Variants in MTFR1 observed in about 807,000 individuals in gnomAD.
MTFR1 encodes chondrocyte protein with a poly-proline region.
A neutral mutation model predicts 38.8 loss-of-function variants in MTFR1; 28 were observed. That is an observed-to-expected ratio of 0.72 (90% CI 0.53 to 0.99). The LOEUF (loss-of-function observed/expected upper bound fraction) is 0.99, where lower values mean the gene tolerates loss of function less well. Ranked by LOEUF, MTFR1 falls within the 50% of genes least tolerant of loss-of-function variation. MTFR1 has a pLI of 0.00. For missense variants in MTFR1, 358 were observed against 395.5 expected (o/e 0.91, Z 0.81); for synonymous variants, 145 against 137.0 (o/e 1.06, Z -0.41).
chr8:65,728,647 T>C (rs1806708598), intron 3 of MTFR1: 1 of 120,654 alleles, frequency 8.3e-6, no homozygotes, highest in African/African-American at 2.6e-5. Context: ...ATATAAAGCA[T>C]ACTGCATATA....
At chr8:65,669,834 T>A in intron 1 of MTFR1, 39 bp from the exon 2 acceptor site, 1 of 832,494 alleles carries the variant, frequency 1.2e-6, no homozygotes, top group Non-Finnish European at 2.0e-6. Flanking sequence ...TTCTAAATAA[T>A]AATGATTTCA....
At chr8:65,730,171 C>CTTCTTT (rs1295965698) in intron 3 of MTFR1, among the ~76,000 whole-genome samples, 25,955 of 86,214 alleles carry the variant, frequency 0.3, 7,712 homozygotes, top group Non-Finnish European at 0.42. Flanking sequence ...TTGCGCACTT[C>CTTCTTT]TTTTTTTTTT....
chr8:65,667,078 A>AACCAG (rs1238189602), intron 1 of MTFR1, among the ~76,000 whole-genome samples: 1 of 152,096 alleles, frequency 6.6e-6, no homozygotes, highest in Non-Finnish European at 1.5e-5. Context: ...AGGAGATTAA[A>AACCAG]ACCAGCCTGA....
At chr8:65,758,809 T>A (rs1808355134) in intron 3 of MTFR1, among the ~76,000 whole-genome samples, 1 of 152,186 alleles carries the variant, frequency 6.6e-6, no homozygotes. Context: ...ATTTGCATCT[T>A]CCACAAGTAA....
At position 65,709,496 on chromosome 8, in the gene MTFR1, C is replaced by CATTT. The variant is rs371814432; in HGVS notation, c.*454_*457dup. 3.2e-5 allele frequency: 5 copies of CATTT among 155,210 alleles called. No homozygotes were observed. The highest frequency in any genetic ancestry group is 1.2e-4 in the African/African-American group (5 of 41,606). The allele number at this position is 155,210 out of a possible 1,614,324, so 9.6% of individuals were successfully genotyped here. On this transcript the variant is annotated 3_prime_UTR_variant, in exon 8 of 8. Coordinates refer to ENST00000262146, the MANE Select transcript of MTFR1 (RefSeq NM_014637.4). ...GTTATCTTCGTTTGTTTTCAATGAT[C>CATTT]ATTTAGCATTCAATGATGGAACAGC...
At chr8:65,700,554 C>A (rs1805586961) in intron 4 of MTFR1, among the ~76,000 whole-genome samples, 1 of 152,002 alleles carries the variant, frequency 6.6e-6, no homozygotes. Flanking sequence ...GCATTGACAT[C>A]CTGATAACTG....
chr8:65,649,248 G>A (rs1809051687), intron 1 of MTFR1, among the ~76,000 whole-genome samples: 1 of 151,722 alleles, frequency 6.6e-6, no homozygotes, highest in Non-Finnish European at 1.5e-5. Flanking sequence ...TGGCACACAC[G>A]ATCTCGGCTC....
At chr8:65,775,479 A>G (rs1809233488), downstream of MTFR1, among the ~76,000 whole-genome samples, 1 of 152,204 alleles carries the variant, frequency 6.6e-6, no homozygotes, top group Admixed American at 6.5e-5. Flanking sequence ...GTCTTTAATT[A>G]TCACGTTTTT....
intron 1 of MTFR1, among the ~76,000 whole-genome samples, chr8:65,649,118 A>G (rs989311892): frequency 6.6e-6 from 1 of 152,210 alleles, no homozygotes; most frequent in African/African-American, 2.4e-5. Flanking sequence ...CAAGTAATCT[A>G]CAGATGACTT....
downstream of MTFR1, among the ~76,000 whole-genome samples, chr8:65,712,595 A>ACTT (rs1244108146): frequency 6.6e-6 from 1 of 152,244 alleles, no homozygotes; most frequent in Non-Finnish European, 1.5e-5. Context: ...AGTTAATTTT[A>ACTT]CTTTAAGGAA....
chr8:65,750,383 C>T (rs781254434), intron 3 of MTFR1, among the ~76,000 whole-genome samples: 3 of 152,056 alleles, frequency 2.0e-5, no homozygotes, highest in African/African-American at 7.2e-5. Context: ...TTAAATTACA[C>T]ACAAAAGGTA....
intron 3 of MTFR1, among the ~76,000 whole-genome samples, chr8:65,735,820 T>A (rs946502497): frequency 6.6e-6 from 1 of 152,174 alleles, no homozygotes; most frequent in Admixed American, 6.5e-5. Context: ...CAATGGGGTT[T>A]CACCATGTTG....
At chr8:65,693,606 A>G (rs750909398) in intron 3 of MTFR1, 38 bp from the exon 4 acceptor site, 5 of 1,575,824 alleles carry the variant, frequency 3.2e-6, no homozygotes, top group African/African-American at 2.7e-5. Context: ...TTTTGGTGCC[A>G]TCTTTGGTGA....
downstream of MTFR1, among the ~76,000 whole-genome samples, chr8:65,715,549 T>C (rs1806100679): frequency 6.6e-6 from 1 of 151,428 alleles, no homozygotes; most frequent in Non-Finnish European, 1.5e-5. Context: ...AGCTAATTTT[T>C]GCATTTTTAG....
At chr8:65,651,405 T>G (rs1809119879) in intron 1 of MTFR1, among the ~76,000 whole-genome samples, 1 of 152,234 alleles carries the variant, frequency 6.6e-6, no homozygotes, top group South Asian at 2.1e-4. Flanking sequence ...TTTCCCCCAG[T>G]GTTTTCTTGC....
At chr8:65,742,462 T>C (rs1192538358) in intron 3 of MTFR1, among the ~76,000 whole-genome samples, 1 of 152,324 alleles carries the variant, frequency 6.6e-6, no homozygotes, top group South Asian at 2.1e-4. Context: ...TGGGAACGAT[T>C]TGTCTTGGCA....
At chr8:65,701,559 C>G (rs941959676) in intron 4 of MTFR1, among the ~76,000 whole-genome samples, 9 of 152,148 alleles carry the variant, frequency 5.9e-5, no homozygotes, top group Admixed American at 3.9e-4. Flanking sequence ...TTTATAGGTT[C>G]ATAGGGCTTA....
chr8:65,763,425 C>T lies in MTFR1; in HGVS notation c.*49-7522C>T, dbSNP rs1026990498. ...TACTAAAAATACAAAATTAGCTGGG[C>T]GTGGTGGCGCAGGTCTGTAATCCCA... is the stretch of plus-strand genomic sequence containing the variant. On this transcript the variant is annotated intron_variant, in intron 3 of 3. Transcript: ENST00000521247. Among the ~76,000 whole-genome samples, 8 of 151,942 alleles carry T rather than the reference C, an allele frequency of 5.3e-5. No individual in the cohort carries two copies. The South Asian group carries it at 6.2e-4, about 12-fold the overall frequency.
intron 1 of MTFR1, among the ~76,000 whole-genome samples, chr8:65,647,126 A>G (rs2129046489): frequency 6.6e-6 from 1 of 152,340 alleles, no homozygotes; most frequent in South Asian, 2.1e-4. Context: ...ATACAGGAAG[A>G]TAGCTGGTAC....
Sources: gnomAD v4.1 joint callset for allele counts (sites outside exome capture counted in the v4.1 genomes callset) on GRCh38, gnomAD v4.1.1 for gene constraint, MANE v1.5 for transcripts, NCBI Gene and HGNC (gene_info 2026-07-23, HGNC 2026-07-21) for gene names.